RNF180: variants seen among roughly 807,000 people sequenced by gnomAD.
RNF180 encodes the protein E3 ubiquitin-protein ligase RNF180.
RNF180 carries 38 observed loss-of-function variants against 59.2 expected under a neutral mutation model. That is an observed-to-expected ratio of 0.64 (90% CI 0.50 to 0.84). RNF180 has a LOEUF of 0.84. RNF180 is among the 40% of genes least tolerant of loss of function. The pLI, the probability that RNF180 is intolerant of heterozygous loss-of-function variation, is 0.00. For missense variants in RNF180, 705 were observed against 700.9 expected (o/e 1.01, Z -0.07); for synonymous variants, 262 against 240.3 (o/e 1.09, Z -0.84).
At chr5:64,215,755 A>C (rs990992279) in intron 4 of RNF180, among the ~76,000 whole-genome samples, 16 of 152,278 alleles carry the variant, frequency 1.1e-4, no homozygotes, top group African/African-American at 3.4e-4. Flanking sequence ...GAATATTTTC[A>C]AAATGATTAA....
chr5:64,330,710 A>T (rs1321511595), intron 7 of RNF180, among the ~76,000 whole-genome samples: 1 of 152,248 alleles, frequency 6.6e-6, no homozygotes, highest in Non-Finnish European at 1.5e-5. Context: ...ACAAAGTCAT[A>T]TTTATGGCAG....
At chr5:64,246,631 C>T (rs551842844) in intron 5 of RNF180, among the ~76,000 whole-genome samples, 2 of 152,226 alleles carry the variant, frequency 1.3e-5, no homozygotes, top group African/African-American at 4.8e-5. Context: ...AGCCTACCAA[C>T]CAAAAAAAGC....
intron 5 of RNF180, among the ~76,000 whole-genome samples, chr5:64,296,992 G>C (rs1742915008): frequency 6.6e-6 from 1 of 152,016 alleles, no homozygotes; most frequent in Admixed American, 6.6e-5. Context: ...GGAAACTATA[G>C]CCAGACATTA....
At chr5:64,192,528 T>A (rs1477409303) in intron 1 of RNF180, among the ~76,000 whole-genome samples, 1 of 151,818 alleles carries the variant, frequency 6.6e-6, no homozygotes, top group African/African-American at 2.4e-5. Context: ...AAAAATTACC[T>A]GGGCGTGGTG....
At chr5:64,274,955 C>T (rs1741632637) in intron 5 of RNF180, among the ~76,000 whole-genome samples, 1 of 151,908 alleles carries the variant, frequency 6.6e-6, no homozygotes, top group Non-Finnish European at 1.5e-5. Context: ...AAAAACTTTT[C>T]TAGTTGTTTC....
chr5:64,321,498 C>T (rs1295494330), intron 5 of RNF180, among the ~76,000 whole-genome samples: 1 of 152,046 alleles, frequency 6.6e-6, no homozygotes, highest in Non-Finnish European at 1.5e-5. Context: ...AACTACAAAC[C>T]ACTGCTCAAG....
chr5:64,330,285 G>A lies in RNF180; in HGVS notation c.1458G>A (p.Leu486=). ...TTTTCTTTTGCTTTATTCTAGAATT[G>A]AACAATGCCACAAAAACTTTCTTTA... ...IISRVFFQTE[L]NNATKTFFTK... The change falls in exon 7 of 8, where the codon TTG becomes TTA. Residue 486 remains leucine (L), a synonymous_variant. Transcript: ENST00000389100. 1 of 1,463,338 alleles carries A rather than the reference G, an allele frequency of 6.8e-7. No homozygotes were observed. The highest frequency in any genetic ancestry group is 1.4e-5 in the African/African-American group (1 of 70,138). 90.6% of individuals were successfully genotyped at this position (1,463,338 alleles called of 1,614,324 possible).
At chr5:64,296,888 G>T (rs1470123155) in intron 5 of RNF180, among the ~76,000 whole-genome samples, 1 of 152,004 alleles carries the variant, frequency 6.6e-6, no homozygotes, top group South Asian at 2.1e-4. Context: ...TATGGGAAAG[G>T]CCTTTCCACT....
chr5:64,331,849 C>G lies in RNF180; in HGVS notation c.1579+1443C>G, dbSNP rs552943572. Among the ~76,000 whole-genome samples, 15 of 152,248 alleles carry G rather than the reference C, an allele frequency of 9.9e-5. 2 individuals carry two copies. The highest frequency in any genetic ancestry group is 3.6e-4 in the African/African-American group (15 of 41,542). ...GATCCCTGAGCCAGGGCTGTGACAC[C>G]CTCCTTGGGGTTCTGCAGTTCCTGG... On this transcript the variant is annotated intron_variant, in intron 7 of 7. Transcript: ENST00000389100.
At chr5:64,313,012 T>C (rs2112485754) in intron 5 of RNF180, among the ~76,000 whole-genome samples, 1 of 152,222 alleles carries the variant, frequency 6.6e-6, no homozygotes, top group Non-Finnish European at 1.5e-5. Context: ...AGATCAGAAG[T>C]TTTTCAGACT....
chr5:64,193,353 C>T (rs1751280877), intron 1 of RNF180, among the ~76,000 whole-genome samples: 1 of 151,924 alleles, frequency 6.6e-6, no homozygotes, highest in Non-Finnish European at 1.5e-5. Flanking sequence ...ATATCAAGTA[C>T]CTTGATTGTG....
chr5:64,299,645 C>G (rs1743061818), intron 5 of RNF180, among the ~76,000 whole-genome samples: 2 of 151,898 alleles, frequency 1.3e-5, no homozygotes, highest in South Asian at 4.1e-4. Flanking sequence ...AAGCCTTACC[C>G]TAGAAGATTT....
intron 5 of RNF180, among the ~76,000 whole-genome samples, chr5:64,257,449 T>G (rs1327243605): frequency 6.6e-6 from 1 of 152,244 alleles, no homozygotes; most frequent in East Asian, 1.9e-4. Flanking sequence ...TTTCTGCATC[T>G]GTTGAGATAA....
chr5:64,347,902 C>T (rs1267872762), intron 7 of RNF180, among the ~76,000 whole-genome samples: 1 of 152,090 alleles, frequency 6.6e-6, no homozygotes, highest in Non-Finnish European at 1.5e-5. Context: ...CAAAATCTTA[C>T]TCTACATAAA....
chr5:64,213,894 TA>T lies in RNF180; in HGVS notation c.569del (p.Tyr190PhefsTer4), dbSNP rs1167437632. ...EALCLEVRPT[Y>X]FEMKNEKLLS... ...ACTCTGCCTGGAGGTGCGACCAACA[TA>T]TTTTGAGATGAAGAACGAAAAACTG... On this transcript the variant is annotated frameshift_variant, in exon 4 of 8. Coordinates refer to ENST00000389100, the MANE Select transcript of RNF180 (RefSeq NM_001113561.2). LOFTEE classifies it high-confidence loss of function. 6.2e-7 allele frequency: 1 copy of T among 1,614,072 alleles called. No homozygotes were observed. The highest frequency in any genetic ancestry group is 1.1e-5 in the South Asian group (1 of 91,084).
chr5:64,270,545 C>G (rs1468279970), intron 5 of RNF180, among the ~76,000 whole-genome samples: 1 of 152,016 alleles, frequency 6.6e-6, no homozygotes, highest in African/African-American at 2.4e-5. Flanking sequence ...TCATTTAATT[C>G]TTACAACAGT....
At chr5:64,167,341 T>C (rs1749699020) in intron 1 of RNF180, among the ~76,000 whole-genome samples, 1 of 152,192 alleles carries the variant, frequency 6.6e-6, no homozygotes, top group Non-Finnish European at 1.5e-5. Context: ...TCTGGAACCA[T>C]CAACAATTTA....
chr5:64,175,219 G>A (rs773056280), intron 1 of RNF180, among the ~76,000 whole-genome samples: 5 of 151,924 alleles, frequency 3.3e-5, no homozygotes, highest in African/African-American at 7.3e-5. Flanking sequence ...TGCCCGCCTC[G>A]GACTCCCAAA....
At chr5:64,277,255 G>T (rs570837601) in intron 5 of RNF180, among the ~76,000 whole-genome samples, 10 of 150,918 alleles carry the variant, frequency 6.6e-5, no homozygotes, top group African/African-American at 2.4e-4. Context: ...CAGTAGGGAA[G>T]GGGAAAGGCA....
Sources: allele counts gnomAD v4.1 joint callset (sites outside exome capture counted in the v4.1 genomes callset), GRCh38; gene constraint gnomAD v4.1.1; transcripts MANE v1.5; gene names NCBI Gene and HGNC (gene_info 2026-07-23, HGNC 2026-07-21).